The following SIPA1L2 variants were observed in gnomAD, a reference collection of about 807,000 sequenced individuals.
SIPA1L2 encodes the protein signal-induced proliferation-associated 1-like protein 2.
A neutral mutation model predicts 163.9 loss-of-function variants in SIPA1L2; 56 were observed. The ratio of observed to expected loss-of-function variants is 0.34; its 90% CI spans 0.28 to 0.43. The LOEUF is 0.43. Among genes scored for constraint, SIPA1L2 ranks in the 20% least tolerant of loss-of-function variants. The probability of loss-of-function intolerance (pLI) is 1.00; values close to 1 mark genes in which losing one functional copy is unlikely to be tolerated. For missense variants in SIPA1L2, 1,974 were observed against 2,193.5 expected, an observed-to-expected ratio of 0.90 and a Z score of 2.00; for synonymous variants, 877 against 865.7, an observed-to-expected ratio of 1.01 and a Z score of -0.23.
intron 1 of SIPA1L2, among the ~76,000 whole-genome samples, chr1:232,605,600 A>G (rs1157505361): frequency 6.6e-6 from 1 of 152,204 alleles, no homozygotes; most frequent in African/African-American, 2.4e-5. Context: ...AGGTTGAGGC[A>G]GGAGAATCGC....
intron 1 of SIPA1L2, among the ~76,000 whole-genome samples, chr1:232,619,027 T>C (rs1201183729): frequency 6.6e-6 from 1 of 152,202 alleles, no homozygotes; most frequent in Non-Finnish European, 1.5e-5. Context: ...CTTTTGTTAA[T>C]AAAATGCATC....
chr1:232,454,735 T>C (rs1407695249), intron 10 of SIPA1L2, among the ~76,000 whole-genome samples: 1 of 152,138 alleles, frequency 6.6e-6, no homozygotes, highest in East Asian at 1.9e-4. Context: ...ATCCCAACAT[T>C]CAAAATGAAA....
intron 2 of SIPA1L2, among the ~76,000 whole-genome samples, chr1:232,563,957 G>GTTTTT (rs1659201250): frequency 4.1e-5 from 1 of 24,676 alleles, no homozygotes; most frequent in Admixed American, 3.2e-4. Flanking sequence ...TTTTTTTTTC[G>GTTTTT]TGTGTGTGTG....
At position 232,532,501 on chromosome 1, in the gene SIPA1L2, T is replaced by C. The variant is rs573324397; in HGVS notation, c.-269-16893A>G. On this transcript the variant is annotated intron_variant, in intron 2 of 22. Coordinates refer to ENST00000674635, the MANE Select transcript of SIPA1L2 (RefSeq NM_020808.5). ...AACCTTGAAATCTTCCAGCTCACACTGATCACTTCTTACTGTAAACTCAGC... is the reference window on the plus strand; with the variant it reads ...AACCTTGAAATCTTCCAGCTCACACCGATCACTTCTTACTGTAAACTCAGC... 3.3e-5 allele frequency among the ~76,000 whole-genome samples: 5 copies of C among 152,348 alleles called. No individual in the cohort carries two copies. In the South Asian group the frequency reaches 1.0e-3, roughly 32 times the overall value.
At chr1:232,491,725 A>T (rs992237496) in intron 4 of SIPA1L2, among the ~76,000 whole-genome samples, 4 of 152,188 alleles carry the variant, frequency 2.6e-5, no homozygotes, top group Non-Finnish European at 5.9e-5. Flanking sequence ...AATCAAGAGA[A>T]CTGGTTCTAA....
At chr1:232,410,630 T>C (rs963265001) in intron 19 of SIPA1L2, among the ~76,000 whole-genome samples, 5 of 152,130 alleles carry the variant, frequency 3.3e-5, no homozygotes, top group African/African-American at 1.2e-4. Flanking sequence ...TTTCAGGTAA[T>C]ATATTTGGTA....
intron 6 of SIPA1L2, among the ~76,000 whole-genome samples, chr1:232,481,894 A>C (rs1665377431): frequency 6.6e-6 from 1 of 152,218 alleles, no homozygotes; most frequent in African/African-American, 2.4e-5. Flanking sequence ...CCCAGATTTG[A>C]CCTAAGTCTT....
chr1:232,601,026 T>C (rs1031221566), intron 1 of SIPA1L2, among the ~76,000 whole-genome samples: 6 of 152,118 alleles, frequency 3.9e-5, no homozygotes, highest in African/African-American at 1.4e-4. Flanking sequence ...AGTAAACCTA[T>C]AGGCAAGAGC....
intron 10 of SIPA1L2, among the ~76,000 whole-genome samples, chr1:232,449,383 T>G (rs1294081800): frequency 2.0e-5 from 3 of 151,438 alleles, no homozygotes; most frequent in African/African-American, 7.3e-5. Flanking sequence ...CCGGGCACGG[T>G]GGTGGGCGTC....
chr1:232,452,098 TATTCTAA>T (rs1475337754), intron 10 of SIPA1L2, among the ~76,000 whole-genome samples: 1 of 149,152 alleles, frequency 6.7e-6, no homozygotes, highest in African/African-American at 2.5e-5. Context: ...TTTACTGCTG[TATTCTAA>T]AAACAGTATT....
chr1:232,536,163 G>A (rs892950727), intron 2 of SIPA1L2, among the ~76,000 whole-genome samples: 7 of 152,176 alleles, frequency 4.6e-5, no homozygotes, highest in African/African-American at 9.7e-5. Context: ...GGGAAAGGGC[G>A]AAAACAAGTC....
At chr1:232,626,230 C>CTTTTTTTTT (rs56703620) in intron 1 of SIPA1L2, among the ~76,000 whole-genome samples, 27 of 133,648 alleles carry the variant, frequency 2.0e-4, no homozygotes, top group South Asian at 2.4e-4. Flanking sequence ...CTAATATTTG[C>CTTTTTTTTT]TTTTTTTTTT....
chr1:232,445,446 T>C lies in SIPA1L2; in HGVS notation c.3353+83A>G, dbSNP rs767641419. Reference sequence around the variant, plus strand: ...GTGAACAAGCTAACTCAGAAGTGATTAAGCAAAACCCTCCCTACAATGTCA... The same window carrying C: ...GTGAACAAGCTAACTCAGAAGTGATCAAGCAAAACCCTCCCTACAATGTCA... On this transcript the variant is annotated intron_variant, in intron 11 of 22. Transcript: ENST00000674635. The C allele has an allele frequency of 2.7e-4, 432 of 1,583,098 alleles. 1 individual carries two copies. Among genetic ancestry groups the C allele is most frequent in the Non-Finnish European group, 3.6e-4 (418 of 1,163,070 alleles).
At chr1:232,492,604 G>A (rs1420701915) in intron 4 of SIPA1L2, among the ~76,000 whole-genome samples, 1 of 152,160 alleles carries the variant, frequency 6.6e-6, no homozygotes, top group Non-Finnish European at 1.5e-5. Flanking sequence ...CTAAAAGCAA[G>A]ACAAGCAAGA....
Position 232,465,547 on chromosome 1 carries a change from CAT to C in SIPA1L2, c.2244-133_2244-132del, listed in dbSNP as rs34645211. Reference sequence around the variant, plus strand: ...ACACACACACACATATACATACACACATACACACACACTTTCAACTTAACTGG... The same window carrying C: ...ACACACACACACATATACATACACACACACACACACTTTCAACTTAACTGG... On this transcript the variant is annotated intron_variant, in intron 8 of 22. Transcript: ENST00000674635. The surrounding 1 kb of genome is among the most constrained non-coding windows in gnomAD (Gnocchi z 4.1). 0.1 allele frequency: 78,637 copies of C among 752,870 alleles called. 14,656 individuals are homozygous for C. The highest frequency in any genetic ancestry group is 0.74 in the East Asian group (27,252 of 37,024). 46.6% of individuals were successfully genotyped at this position (752,870 alleles called of 1,614,324 possible).
chr1:232,441,600 C>T (rs1662899964), intron 13 of SIPA1L2, among the ~76,000 whole-genome samples, 168 bp downstream of exon 13: 1 of 152,158 alleles, frequency 6.6e-6, no homozygotes, highest in Non-Finnish European at 1.5e-5. Context: ...ACAACCACAA[C>T]CAACCATGAC....
intron 2 of SIPA1L2, among the ~76,000 whole-genome samples, chr1:232,538,394 C>T (rs751087954): frequency 2.6e-5 from 4 of 152,164 alleles, no homozygotes; most frequent in Non-Finnish European, 5.9e-5. Context: ...GGGGTTATAC[C>T]TCCAGAATGA....
At chr1:232,423,102 C>G (rs574847991) in intron 18 of SIPA1L2, among the ~76,000 whole-genome samples, 8 of 152,250 alleles carry the variant, frequency 5.3e-5, no homozygotes, top group Admixed American at 5.2e-4. Context: ...CAGCCACGCA[C>G]GAGATTCCAT....
rs747711286 is a variant in SIPA1L2, at chr1:232,428,548, C to G, written c.4273G>C (p.Asp1425His). 7 of 1,578,300 alleles carry G rather than the reference C, an allele frequency of 4.4e-6. No homozygotes were observed. In the East Asian group the frequency reaches 1.6e-4, roughly 37 times the overall value. Residue 1425 changes from aspartate to histidine, a missense_variant, in exon 17 of 23, where the codon GAT (aspartate) becomes CAT (histidine). Asp to His is a moderately conservative substitution (Grantham distance 81, BLOSUM62 -1). This residue lies in a region of SIPA1L2 where 1,079 missense variants were observed against 1,150.7 expected (regional missense o/e 0.94). Transcript: ENST00000674635. ...TGCTGAGTTGCTGTGGACATGACAT[C>G]CATCTCACTATACATCCTGTTGAAA... Reference protein sequence around the residue: ...TECPGMYSEMDVMSTATQHQT... With the variant: ...TECPGMYSEMHVMSTATQHQT...
Sources: gnomAD v4.1 joint callset for allele counts (sites outside exome capture counted in the v4.1 genomes callset) on GRCh38, gnomAD v4.1.1 for gene constraint, gnomAD v4.1.1 regional missense constraint, Gnocchi (gnomAD v3.1) non-coding constraint, MANE v1.5 for transcripts, NCBI Gene and HGNC (gene_info 2026-07-23, HGNC 2026-07-21) for gene names.